The following BBS9 variants were observed in gnomAD, a reference collection of about 807,000 sequenced individuals.
The protein encoded by BBS9 is Bardet-Biedl syndrome 9.
BBS9 carries 89 observed loss-of-function variants against 117.7 expected under a neutral mutation model. That is an observed-to-expected ratio of 0.76 (90% confidence interval 0.64 to 0.90). The LOEUF (loss-of-function observed/expected upper bound fraction) is 0.90, where lower values mean the gene tolerates loss of function less well. Ranked by LOEUF, BBS9 falls within the 40% of genes least tolerant of loss-of-function variation. BBS9 has a pLI of 0.00. For synonymous variants in BBS9, 379 were observed against 370.9 expected, an observed-to-expected ratio of 1.02 and a Z score of -0.25; for missense variants, 982 against 1,042.2, an observed-to-expected ratio of 0.94 and a Z score of 0.80.
intron 21 of BBS9, among the ~76,000 whole-genome samples, chr7:33,542,194 C>T (rs1409990818): frequency 1.3e-5 from 2 of 152,092 alleles, no homozygotes; most frequent in African/African-American, 4.8e-5. Flanking sequence ...AAGCAGTTCT[C>T]CTGCCTCAGC....
rs560986937 is a variant in BBS9 at position 33,430,080 on chromosome 7, C to A, written c.2115+41936C>A. Among the ~76,000 whole-genome samples, 24 of 152,298 alleles carry A rather than the reference C, an allele frequency of 1.6e-4. 1 individual carries two copies. The highest frequency in any genetic ancestry group is 5.3e-4 in the African/African-American group (22 of 41,570). On this transcript the variant is annotated intron_variant, in intron 19 of 22. Transcript: ENST00000242067. ...ACTAGGATGGGTCCAACCTGGACTA[C>A]ATGCTCAGGCTGGTGGCCATATAAG... is the stretch of plus-strand genomic sequence containing the variant.
Position 33,317,775 on chromosome 7 carries a change from G to A in BBS9, c.1017-18666G>A, listed in dbSNP as rs550655846. ...GTACTTAAAACCCTTGCATGGGCCAGGCGCAGTGGCTCACGCCTGTAAGCT... is the reference window on the plus strand; with the variant it reads ...GTACTTAAAACCCTTGCATGGGCCAAGCGCAGTGGCTCACGCCTGTAAGCT... On this transcript the variant is annotated intron_variant, in intron 9 of 22. Coordinates refer to ENST00000242067, the MANE Select transcript of BBS9 (RefSeq NM_198428.3). Among the ~76,000 whole-genome samples the A allele has an allele frequency of 1.2e-4, 18 of 152,296 alleles. No homozygotes were observed. In the South Asian group the frequency reaches 2.5e-3, roughly 21 times the overall value.
At chr7:33,422,840 C>A (rs749527125) in intron 19 of BBS9, among the ~76,000 whole-genome samples, 6 of 152,080 alleles carry the variant, frequency 3.9e-5, no homozygotes, top group Non-Finnish European at 7.4e-5. Flanking sequence ...AAACTCTTGG[C>A]CTCAAGCAAT....
intron 20 of BBS9, among the ~76,000 whole-genome samples, chr7:33,531,715 G>A (rs548738307): frequency 1.3e-5 from 2 of 152,306 alleles, no homozygotes; most frequent in Non-Finnish European, 1.5e-5. Context: ...CCTCTGGAGG[G>A]TAGAAGAAGG....
intron 9 of BBS9, among the ~76,000 whole-genome samples, chr7:33,302,025 T>A (rs1029464843): frequency 8.5e-5 from 13 of 152,174 alleles, no homozygotes; most frequent in Middle Eastern, 3.2e-3. Flanking sequence ...TCTCTGATGA[T>A]CAGTGATGTT....
chr7:33,188,199 C>T (rs918973495), intron 5 of BBS9, among the ~76,000 whole-genome samples: 1 of 151,012 alleles, frequency 6.6e-6, no homozygotes, highest in African/African-American at 2.4e-5. Flanking sequence ...CTTTTTTATT[C>T]CAGCCCTTCA....
chr7:33,299,628 ATAC>A (rs1805973066), intron 9 of BBS9, among the ~76,000 whole-genome samples: 1 of 148,296 alleles, frequency 6.7e-6, no homozygotes. Context: ...TAAATTTATA[ATAC>A]TAGTTTAATA....
intron 17 of BBS9, among the ~76,000 whole-genome samples, chr7:33,381,966 C>T (rs1470130333): frequency 1.3e-5 from 2 of 152,062 alleles, no homozygotes; most frequent in Non-Finnish European, 2.9e-5. Flanking sequence ...TAAAATTTAC[C>T]ACAGTTACCA....
intron 19 of BBS9, among the ~76,000 whole-genome samples, chr7:33,464,963 C>G (rs1168232526): frequency 6.6e-6 from 1 of 152,004 alleles, no homozygotes; most frequent in African/African-American, 2.4e-5. Flanking sequence ...GTAGCTGGGA[C>G]TACAGACGCG....
At chr7:33,586,878 A>G (rs960011041) in intron 21 of BBS9, among the ~76,000 whole-genome samples, 4 of 152,084 alleles carry the variant, frequency 2.6e-5, no homozygotes, top group Non-Finnish European at 5.9e-5. Flanking sequence ...TAGAATCAAT[A>G]GACACTGCAG....
intron 19 of BBS9, among the ~76,000 whole-genome samples, chr7:33,411,317 C>T (rs1831103493): frequency 2.0e-5 from 3 of 152,036 alleles, no homozygotes; most frequent in Non-Finnish European, 4.4e-5. Flanking sequence ...ATGAGTAGAA[C>T]AAGGGTTGAC....
At chr7:33,551,024 AT>A (rs1265616093) in intron 21 of BBS9, among the ~76,000 whole-genome samples, 2 of 152,232 alleles carry the variant, frequency 1.3e-5, no homozygotes, top group East Asian at 3.8e-4. Context: ...TACCAAAAAA[AT>A]AAAATGATGT....
chr7:33,453,958 G>A (rs1838272714), intron 19 of BBS9, among the ~76,000 whole-genome samples: 1 of 152,218 alleles, frequency 6.6e-6, no homozygotes, highest in African/African-American at 2.4e-5. Flanking sequence ...ATTTGGGGGA[G>A]TCAAAAGTTG....
chr7:33,612,489 AT>A (rs1044967284), intron 21 of BBS9, among the ~76,000 whole-genome samples: 73 of 151,830 alleles, frequency 4.8e-4, no homozygotes, highest in African/African-American at 1.7e-3. Flanking sequence ...CTCCCTTTCC[AT>A]TTCAGTAACA....
intron 21 of BBS9, among the ~76,000 whole-genome samples, chr7:33,555,505 G>A (rs2129101057): frequency 6.6e-6 from 1 of 152,298 alleles, no homozygotes; most frequent in South Asian, 2.1e-4. Flanking sequence ...AGAGATGATG[G>A]AGGCTCAGAC....
Position 33,505,707 on chromosome 7 carries a change from G to A in BBS9, c.2298+62G>A, listed in dbSNP as rs145839122. 2,760 of 1,537,638 alleles carry A rather than the reference G, an allele frequency of 1.8e-3. 45 individuals are homozygous for A. Among genetic ancestry groups the A allele is most frequent in the East Asian group, 3.7e-3 (162 of 44,002 alleles). ...ATTATTGAAGTTTCGGCTTTAGGAAGATATCACATGGCTATCAGGTTTTCT... is the reference window on the plus strand; with the variant it reads ...ATTATTGAAGTTTCGGCTTTAGGAAAATATCACATGGCTATCAGGTTTTCT... On this transcript the variant is annotated intron_variant, in intron 20 of 22. Coordinates refer to ENST00000242067, the MANE Select transcript of BBS9 (RefSeq NM_198428.3).
intron 9 of BBS9, among the ~76,000 whole-genome samples, chr7:33,282,321 C>A (rs190685216): frequency 6.6e-6 from 1 of 152,098 alleles, no homozygotes. Flanking sequence ...TCTCTACACA[C>A]GTGCAAATTT....
chr7:33,432,642 A>T (rs548368164), intron 19 of BBS9, among the ~76,000 whole-genome samples: 1 of 152,322 alleles, frequency 6.6e-6, no homozygotes, highest in Admixed American at 6.5e-5. Flanking sequence ...CAGATAAAAA[A>T]TGCACCTAGA....
At chr7:33,290,861 G>A (rs1358230110) in intron 9 of BBS9, among the ~76,000 whole-genome samples, 1 of 152,082 alleles carries the variant, frequency 6.6e-6, no homozygotes, top group Non-Finnish European at 1.5e-5. Context: ...CTGTGTATTT[G>A]CTTTATTCCT....
Sources: gnomAD v4.1 joint callset for allele counts (sites outside exome capture counted in the v4.1 genomes callset) on GRCh38, gnomAD v4.1.1 for gene constraint, MANE v1.5 for transcripts, NCBI Gene and HGNC (gene_info 2026-07-23, HGNC 2026-07-21) for gene names.